Variants in F9 observed in about 807,000 individuals in gnomAD.
F9 encodes the protein Christmas factor.
In F9, 2 loss-of-function variants were observed where a neutral mutation model predicts 34.1. The ratio of observed to expected loss-of-function variants is 0.06; its 90% CI spans 0.02 to 0.18. F9 has a LOEUF of 0.18. Ranked by LOEUF, F9 falls within the 10% of genes least tolerant of loss-of-function variation. F9 has a pLI of 1.00. For synonymous variants in F9, 137 were observed against 118.8 expected, an observed-to-expected ratio of 1.15 and a Z score of -1.00; for missense variants, 216 against 345.1, an observed-to-expected ratio of 0.63 and a Z score of 2.96.
Position 139,561,622 on chromosome X carries a change from A to T in F9, c.937A>T (p.Asn313Tyr). The change falls in exon 8 of 8, where the codon AAC becomes TAC. Residue 313 changes from asparagine (N) to tyrosine (Y), a missense_variant. Around this residue, in one of 2 missense-constraint regions of F9, gnomAD observed 177 missense variants for 311.8 expected, o/e 0.57. Transcript: ENST00000218099. ...HNYNAAINKY[N>Y]HDIALLELDE... is the part of the protein sequence containing the mutation. ...CTACAATGCAGCTATTAATAAGTAC[A>T]ACCATGACATTGCCCTTCTGGAACT... 4 of 1,211,375 alleles carry T rather than the reference A, an allele frequency of 3.3e-6. No homozygotes were observed. The highest frequency in any genetic ancestry group is 4.5e-6 in the Non-Finnish European group (4 of 895,051).
At chrX:139,539,120 G>A (rs1927547862) in intron 3 of F9, among the ~76,000 whole-genome samples, 1 of 111,758 alleles carries the variant, frequency 8.9e-6, no homozygotes, top group Non-Finnish European at 1.9e-5. Context: ...ATCACATAAA[G>A]AGCCTGGTTG....
intron 6 of F9, among the ~76,000 whole-genome samples, chrX:139,554,713 G>A (rs1766883723): frequency 8.9e-6 from 1 of 112,504 alleles, no homozygotes. Flanking sequence ...GGCTTCAGTG[G>A]TGAAAACATT....
rs150351950 is a variant in F9, at chrX:139,561,652, G to A, written c.967G>A (p.Glu323Lys). 5.6e-4 allele frequency: 678 copies of A among 1,210,187 alleles called. 3 individuals carry two copies. The African/African-American group carries it at 0.011, about 19-fold the overall frequency. ...NHDIALLELD[E>K]PLVLNSYVTP... ...TGACATTGCCCTTCTGGAACTGGAC[G>A]AACCCTTAGTGCTAAACAGCTACGT... The change falls in exon 8 of 8, where the codon GAA (glutamate) becomes AAA (lysine). Residue 323 changes from glutamate to lysine, a missense_variant. By Grantham distance (56) the Glu-to-Lys change is moderately conservative. This residue lies in a region of F9 where 177 missense variants were observed against 311.8 expected (regional missense o/e 0.57). Coordinates refer to ENST00000218099, the MANE Select transcript of F9 (RefSeq NM_000133.4).
At chrX:139,555,735 A>G (rs904003496) in intron 6 of F9, among the ~76,000 whole-genome samples, 17 of 112,580 alleles carry the variant, frequency 1.5e-4, no homozygotes, top group African/African-American at 5.2e-4. Flanking sequence ...TGCACTACAC[A>G]GGAACAGAAA....
chrX:139,536,928 CA>C, intron 1 of F9, 81 bp from the exon 2 acceptor site: 1 of 1,016,847 alleles, frequency 9.8e-7, no homozygotes, highest in East Asian at 3.1e-5. Flanking sequence ...GGATTAAAAA[CA>C]AAGACTTTCT....
chrX:139,535,218 G>T (rs1286889079), intron 1 of F9, among the ~76,000 whole-genome samples: 1 of 111,168 alleles, frequency 9.0e-6, no homozygotes, highest in Non-Finnish European at 1.9e-5. Context: ...AATTAGCTGG[G>T]CATGGTGGCG....
rs1364748854 is a variant in F9 at position 139,537,346 on chromosome X, C to A, written c.253-16C>A. The A allele has an allele frequency of 8.4e-7, 1 of 1,186,740 alleles. No individual in the cohort carries two copies. Among genetic ancestry groups the A allele is most frequent in the Non-Finnish European group, 1.1e-6 (1 of 873,944 alleles). ...TTAGATATTACCGTTAATTTGTCTTCTTTTATTCTTTATAGACTGAATTTT... is the reference window on the plus strand; with the variant it reads ...TTAGATATTACCGTTAATTTGTCTTATTTTATTCTTTATAGACTGAATTTT... On this transcript the variant is annotated splice_polypyrimidine_tract_variant and intron_variant, in intron 2 of 7. Transcript: ENST00000218099.
At chrX:139,534,192 A>G (rs1030846247) in intron 1 of F9, among the ~76,000 whole-genome samples, 1 of 112,067 alleles carries the variant, frequency 8.9e-6, no homozygotes, top group African/African-American at 3.2e-5. Flanking sequence ...AATTTAAAAC[A>G]GAAGAAAGTA....
chrX:139,551,096 A>G lies in F9; in HGVS notation c.555A>G (p.Gln185=), dbSNP rs1603265792. The change falls in exon 6 of 8, where the codon CAA becomes CAG. Residue 185 remains glutamine (Q), a synonymous_variant. Coordinates refer to ENST00000218099, the MANE Select transcript of F9 (RefSeq NM_000133.4). ...CATGTGGAAGAGTTTCTGTTTCACAAACTTCTAAGCTCACCCGTGCTGAGA... is the reference window on the plus strand; with the variant it reads ...CATGTGGAAGAGTTTCTGTTTCACAGACTTCTAAGCTCACCCGTGCTGAGA... The part of the protein sequence containing the change: ...PFPCGRVSVS[Q]TSKLTRAETV... 3.3e-6 allele frequency: 4 copies of G among 1,210,024 alleles called. No individual in the cohort carries two copies. The African/African-American group carries it at 5.2e-5, about 16-fold the overall frequency.
At chrX:139,546,150 C>G (rs772372989) in intron 4 of F9, among the ~76,000 whole-genome samples, 1 of 111,515 alleles carries the variant, frequency 9.0e-6, no homozygotes, top group African/African-American at 3.3e-5. Context: ...ACACTTAGCT[C>G]CCGCTTACAA....
Position 139,537,163 on chromosome X carries a change from C to T in F9, c.242C>T (p.Thr81Ile). ...GAAGCACGAGAAGTTTTTGAAAACA[C>T]TGAAAGAACAGTGAGTATTTCCACA... Reference protein sequence around the residue: ...FEEAREVFENTERTTEFWKQY... With the variant: ...FEEAREVFENIERTTEFWKQY... Residue 81 changes from threonine (T) to isoleucine (I), a missense_variant, in exon 2 of 8, where the codon ACT becomes ATT. Thr to Ile is a moderately conservative substitution (Grantham distance 89). Coordinates refer to ENST00000218099, the MANE Select transcript of F9 (RefSeq NM_000133.4). 1 of 1,210,217 alleles carries T rather than the reference C, an allele frequency of 8.3e-7. No homozygotes were observed. Among genetic ancestry groups the T allele is most frequent in the Non-Finnish European group, 1.1e-6 (1 of 894,394 alleles).
At chrX:139,557,781 C>T (rs146371555) in intron 6 of F9, among the ~76,000 whole-genome samples, 18 of 112,929 alleles carry the variant, frequency 1.6e-4, no homozygotes, top group African/African-American at 4.8e-4. Context: ...GTCTTATGAC[C>T]GGCGTACTTA....
intron 6 of F9, 96 bp downstream of exon 6, chrX:139,551,360 G>A: frequency 3.9e-6 from 3 of 774,669 alleles, no homozygotes; most frequent in Non-Finnish European, 6.0e-6. Flanking sequence ...AGACCTATTG[G>A]GATGTGAGAA....
chrX:139,536,863 A>G (rs974284238), intron 1 of F9, 147 bp from the exon 2 acceptor site: 2 of 506,779 alleles, frequency 3.9e-6, no homozygotes, highest in Non-Finnish European at 6.7e-6. Flanking sequence ...GTACTGTGGG[A>G]ACATCACAGA....
At chrX:139,541,050 A>G (rs1927588779) in intron 3 of F9, 26 bp from the exon 4 acceptor site, 1 of 1,116,166 alleles carries the variant, frequency 9.0e-7, no homozygotes, top group African/African-American at 1.8e-5. Flanking sequence ...TTACGTGCCA[A>G]TTCAATTTCT....
Position 139,530,760 on chromosome X carries a change from AG to A in F9, c.-3del. 1.7e-6 allele frequency: 2 copies of A among 1,207,406 alleles called. No homozygotes were observed. Among genetic ancestry groups the A allele is most frequent in the Non-Finnish European group, 2.2e-6 (2 of 891,493 alleles). ...TACCACTTTCACAATCTGCTAGCAAAGGTTATGCAGCGCGTGAACATGATCA... is the reference window on the plus strand; with the variant it reads ...TACCACTTTCACAATCTGCTAGCAAAGTTATGCAGCGCGTGAACATGATCA... On this transcript the variant is annotated 5_prime_UTR_variant, in exon 1 of 8. Coordinates refer to ENST00000218099, the MANE Select transcript of F9 (RefSeq NM_000133.4).
At chrX:139,531,800 C>A (rs1000634036) in intron 1 of F9, among the ~76,000 whole-genome samples, 11 of 112,079 alleles carry the variant, frequency 9.8e-5, no homozygotes, top group Non-Finnish European at 1.9e-4. Flanking sequence ...AGCTGACTGG[C>A]CCTGTGGTTC....
intron 1 of F9, among the ~76,000 whole-genome samples, chrX:139,531,600 G>A (rs1055555094): frequency 2.7e-5 from 3 of 112,463 alleles, no homozygotes; most frequent in Non-Finnish European, 3.8e-5. Flanking sequence ...ATATCACTTT[G>A]TTTTTTCACA....
At chrX:139,546,316 G>A (rs408567) in intron 4 of F9, among the ~76,000 whole-genome samples, 33,001 of 110,419 alleles carry the variant, frequency 0.3, 4,772 homozygotes, top group African/African-American at 0.55. Flanking sequence ...TTCTTTATCC[G>A]GTCTGTCATT....
Sources: allele counts gnomAD v4.1 joint callset (sites outside exome capture counted in the v4.1 genomes callset), GRCh38; gene constraint gnomAD v4.1.1; regional missense constraint gnomAD v4.1.1; transcripts MANE v1.5; gene names NCBI Gene and HGNC (gene_info 2026-07-23, HGNC 2026-07-21).